FSTL5: variants seen among roughly 807,000 people sequenced by gnomAD.
The protein encoded by FSTL5 is follistatin like 5.
Under a neutral mutation model 89.1 loss-of-function variants are expected in FSTL5, and 62 were observed. The observed-to-expected ratio is 0.70, with a 90% confidence interval of 0.57 to 0.86. FSTL5 has a LOEUF of 0.86. FSTL5 is among the 40% of genes least tolerant of loss of function. FSTL5 has a pLI of 0.00. For missense variants in FSTL5, 1,057 were observed against 1,001.6 expected (o/e 1.06, Z -0.75); for synonymous variants, 383 against 346.2 (o/e 1.11, Z -1.18).
At chr4:161,496,082 A>C (rs1278473181) in intron 12 of FSTL5, among the ~76,000 whole-genome samples, 2 of 152,190 alleles carry the variant, frequency 1.3e-5, no homozygotes, top group Non-Finnish European at 2.9e-5. Context: ...ATTAAGGAGA[A>C]ATACTAAGGT....
chr4:161,543,786 G>A (rs1177205544), intron 8 of FSTL5, among the ~76,000 whole-genome samples: 1 of 151,964 alleles, frequency 6.6e-6, no homozygotes, highest in African/African-American at 2.4e-5. Context: ...AAATGTAGGA[G>A]CTAAAACAAT....
At chr4:161,710,191 C>T (rs1738730745) in intron 6 of FSTL5, among the ~76,000 whole-genome samples, 2 of 152,120 alleles carry the variant, frequency 1.3e-5, no homozygotes, top group Admixed American at 6.6e-5. Context: ...TAGTCTCAAA[C>T]TCCTGGTCTT....
At chr4:161,776,244 G>A (rs1741408951) in intron 4 of FSTL5, among the ~76,000 whole-genome samples, 170 bp from the exon 5 acceptor site, 1 of 152,026 alleles carries the variant, frequency 6.6e-6, no homozygotes, top group South Asian at 2.1e-4. Context: ...TAGTTCCATG[G>A]TAGGATAGAA....
chr4:161,962,290 G>T (rs1046703017), intron 3 of FSTL5, among the ~76,000 whole-genome samples: 1 of 151,784 alleles, frequency 6.6e-6, no homozygotes, highest in Non-Finnish European at 1.5e-5. Flanking sequence ...GTATTGTTCT[G>T]GTTACCTTTT....
intron 4 of FSTL5, among the ~76,000 whole-genome samples, chr4:161,830,323 T>A (rs1274420964): frequency 6.6e-6 from 1 of 152,032 alleles, no homozygotes; most frequent in African/African-American, 2.4e-5. Flanking sequence ...TGATGTAATT[T>A]CCAAGTTCTT....
intron 4 of FSTL5, among the ~76,000 whole-genome samples, chr4:161,820,190 A>G (rs781302059): frequency 1.8e-4 from 28 of 152,202 alleles, no homozygotes; most frequent in Non-Finnish European, 3.8e-4. Flanking sequence ...TTCTAATTGA[A>G]ATAAAAATAA....
At chr4:161,748,876 T>C (rs1740297351) in intron 6 of FSTL5, among the ~76,000 whole-genome samples, 1 of 142,396 alleles carries the variant, frequency 7.0e-6, no homozygotes. Context: ...ACATGAAAAA[T>C]GTTTCTCAAA....
chr4:161,475,549 TTTTCA>T (rs1386703470), intron 13 of FSTL5, among the ~76,000 whole-genome samples: 1 of 152,186 alleles, frequency 6.6e-6, no homozygotes, highest in Admixed American at 6.5e-5. Flanking sequence ...TCCAGTACAT[TTTTCA>T]TTTCAATTAT....
At chr4:161,616,453 G>C (rs980703600) in intron 7 of FSTL5, among the ~76,000 whole-genome samples, 10 of 152,116 alleles carry the variant, frequency 6.6e-5, no homozygotes, top group African/African-American at 2.4e-4. Flanking sequence ...AGGTTCTTCA[G>C]CTTTTGGATT....
chr4:162,004,760 T>G (rs1219472845), intron 3 of FSTL5, among the ~76,000 whole-genome samples: 1 of 152,194 alleles, frequency 6.6e-6, no homozygotes, highest in Non-Finnish European at 1.5e-5. Context: ...GATTTCAGTT[T>G]TGTTACACTA....
chr4:162,012,948 C>G lies in FSTL5; in HGVS notation c.160+20677G>C, dbSNP rs1736810525. On this transcript the variant is annotated intron_variant, in intron 3 of 15. Coordinates refer to ENST00000306100, the MANE Select transcript of FSTL5 (RefSeq NM_020116.5). Reference sequence around the variant, plus strand: ...CCTGTAGTTCTAGCACTTTGGGAGGCCAAGGTGGGCAGATCACATGAGGTC... The same window carrying G: ...CCTGTAGTTCTAGCACTTTGGGAGGGCAAGGTGGGCAGATCACATGAGGTC... Among the ~76,000 whole-genome samples the G allele has an allele frequency of 2.0e-5, 3 of 152,020 alleles. No individual in the cohort carries two copies. The South Asian group carries it at 6.2e-4, about 32-fold the overall frequency.
chr4:161,524,946 A>G (rs940757459), intron 10 of FSTL5, among the ~76,000 whole-genome samples: 12 of 151,382 alleles, frequency 7.9e-5, no homozygotes, highest in Non-Finnish European at 1.2e-4. Flanking sequence ...CAACAGAGCA[A>G]GACTCCATCT....
rs143993812 is a variant in FSTL5, at chr4:161,733,433, A to C, written c.727+25978T>G. Among the ~76,000 whole-genome samples the C allele has an allele frequency of 3.9e-3, 600 of 152,026 alleles. 5 individuals carry two copies. Among genetic ancestry groups the C allele is most frequent in the African/African-American group, 0.014 (572 of 41,522 alleles). ...TGTTGGGATAAGAGTGTTATTTTCA[A>C]ACAAAAACATTTTTGCTTAATTTCA... On this transcript the variant is annotated intron_variant, in intron 6 of 15. Transcript: ENST00000306100.
Position 162,153,002 on chromosome 4 carries a change from C to A in FSTL5, c.-17+10613G>T, listed in dbSNP as rs563232636. Among the ~76,000 whole-genome samples, 71 of 152,144 alleles carry A rather than the reference C, an allele frequency of 4.7e-4. 1 individual carries two copies. The highest frequency in any genetic ancestry group is 8.8e-4 in the Non-Finnish European group (60 of 67,964). On this transcript the variant is annotated intron_variant, in intron 1 of 15. Transcript: ENST00000306100. The stretch of plus-strand genomic sequence containing the variant: ...ATATGTGCCTTCCGGTTTTTGCCAA[C>A]AATTTGTCATTTAAAACTGAATAGA...
At chr4:161,966,346 C>T (rs1735326856) in intron 3 of FSTL5, among the ~76,000 whole-genome samples, 1 of 151,988 alleles carries the variant, frequency 6.6e-6, no homozygotes, top group Non-Finnish European at 1.5e-5. Context: ...TAAAAAAACA[C>T]TAAACGAATT....
intron 4 of FSTL5, among the ~76,000 whole-genome samples, chr4:161,887,385 T>TATC (rs1186206550): frequency 4.5e-5 from 6 of 132,740 alleles, no homozygotes; most frequent in African/African-American, 1.7e-4. Flanking sequence ...GTATTATCTC[T>TATC]ATCTATCATC....
chr4:161,890,361 TATTA>T lies in FSTL5; in HGVS notation c.409+30039_409+30042del, dbSNP rs535418309. Among the ~76,000 whole-genome samples the T allele has an allele frequency of 1.2e-3, 176 of 152,256 alleles. 2 individuals are homozygous for T. The highest frequency in any genetic ancestry group is 3.8e-3 in the African/African-American group (158 of 41,550). Reference sequence around the variant, plus strand: ...CGATAGTGCAAGTCCCTTTTTCCTCTATTAATTATAGTGTAAAACAAAACAACTT... The same window carrying T: ...CGATAGTGCAAGTCCCTTTTTCCTCTATTATAGTGTAAAACAAAACAACTT... On this transcript the variant is annotated intron_variant, in intron 4 of 15. Coordinates refer to ENST00000306100, the MANE Select transcript of FSTL5 (RefSeq NM_020116.5).
At chr4:161,590,903 G>A (rs1733794060) in intron 7 of FSTL5, among the ~76,000 whole-genome samples, 1 of 152,126 alleles carries the variant, frequency 6.6e-6, no homozygotes, top group South Asian at 2.1e-4. Context: ...CCAAAGAACT[G>A]AAAACATGTC....
intron 4 of FSTL5, among the ~76,000 whole-genome samples, chr4:161,885,697 C>T (rs1339524121): frequency 6.6e-6 from 1 of 152,168 alleles, no homozygotes; most frequent in African/African-American, 2.4e-5. Flanking sequence ...AGTCCACCTG[C>T]CTCAGCCTCC....
Sources: allele counts gnomAD v4.1 joint callset (sites outside exome capture counted in the v4.1 genomes callset), GRCh38; gene constraint gnomAD v4.1.1; transcripts MANE v1.5; gene names NCBI Gene and HGNC (gene_info 2026-07-23, HGNC 2026-07-21).